The following PDZD9 variants were observed in gnomAD, a reference collection of about 807,000 sequenced individuals.
PDZD9 encodes the protein PDZ domain-containing protein 9.
In PDZD9, 13 loss-of-function variants were observed where a neutral mutation model predicts 16.3. That is an observed-to-expected ratio of 0.80 (90% CI 0.52 to 1.27). The LOEUF (loss-of-function observed/expected upper bound fraction) is 1.27. Ranked by LOEUF, PDZD9 falls within the 50% of genes most tolerant of loss-of-function variation. The pLI is 0.00. For synonymous variants in PDZD9, 120 were observed against 111.0 expected, an observed-to-expected ratio of 1.08 and a Z score of -0.51; for missense variants, 288 against 310.9, an observed-to-expected ratio of 0.93 and a Z score of 0.55.
downstream of PDZD9, among the ~76,000 whole-genome samples, chr16:21,981,023 T>C (rs778912228): frequency 2.6e-5 from 4 of 152,178 alleles, no homozygotes; most frequent in Non-Finnish European, 5.9e-5. Flanking sequence ...AAACTAATGG[T>C]AGTTTATAAA....
At chr16:21,981,125 C>G (rs567514407), downstream of PDZD9, among the ~76,000 whole-genome samples, 7 of 152,238 alleles carry the variant, frequency 4.6e-5, no homozygotes, top group South Asian at 1.2e-3. Flanking sequence ...TGCTATTTTT[C>G]CTCTTCAGTC....
chr16:21,972,163 G>A, the PDZD9 span: 2 of 1,574,612 alleles, frequency 1.3e-6, no homozygotes, highest in Admixed American at 1.9e-5. Flanking sequence ...TGCTTTCAAA[G>A]GCTCAGTATT....
At chr16:21,992,937 G>GTGAGTTCT (rs1899059009) in intron 2 of PDZD9, among the ~76,000 whole-genome samples, 1 of 152,144 alleles carries the variant, frequency 6.6e-6, no homozygotes, top group East Asian at 1.9e-4. Flanking sequence ...ATGATAGTGA[G>GTGAGTTCT]TGAGTTCTCA....
At chr16:21,988,062 C>T (rs1240217393) in intron 3 of PDZD9, among the ~76,000 whole-genome samples, 3 of 132,312 alleles carry the variant, frequency 2.3e-5, no homozygotes, top group Non-Finnish European at 3.1e-5. Context: ...GGCTGGAGTG[C>T]AGTGGTGCGA....
chr16:21,994,753 T>A (rs1899103817), intron 2 of PDZD9, among the ~76,000 whole-genome samples: 1 of 152,118 alleles, frequency 6.6e-6, no homozygotes, highest in South Asian at 2.1e-4. Flanking sequence ...AGTAACATGG[T>A]CCCTGAATCC....
intron 2 of PDZD9, among the ~76,000 whole-genome samples, chr16:21,994,228 C>T (rs1010010035): frequency 1.3e-5 from 2 of 152,084 alleles, no homozygotes; most frequent in South Asian, 2.1e-4. Flanking sequence ...ATCAAATCTG[C>T]GCAACCTCTG....
the PDZD9 span, chr16:21,961,333 T>C: frequency 2.2e-6 from 1 of 448,458 alleles, no homozygotes; most frequent in South Asian, 1.6e-5. Context: ...TTTAGGGAAA[T>C]GGGTAAAGTA....
the PDZD9 span, chr16:21,968,787 G>C: frequency 9.5e-7 from 1 of 1,047,768 alleles, no homozygotes; most frequent in East Asian, 2.8e-5. Flanking sequence ...TGAAAACTTC[G>C]GCCTTCTATT....
intron 1 of PDZD9, chr16:21,998,812 A>G (rs1899217630): frequency 6.5e-6 from 1 of 153,332 alleles, no homozygotes; most frequent in Non-Finnish European, 1.5e-5. Context: ...AGAGAGAGAA[A>G]AAAACCTTGA....
At chr16:21,958,259 A>C in the PDZD9 span, among the ~76,000 whole-genome samples, 1 of 152,222 alleles carries the variant, frequency 6.6e-6, no homozygotes, top group East Asian at 1.9e-4. Context: ...AAAGAAAATT[A>C]ACTCTTTTTT....
At chr16:21,977,273 G>T in the PDZD9 span, among the ~76,000 whole-genome samples, 3 of 152,082 alleles carry the variant, frequency 2.0e-5, no homozygotes, top group East Asian at 5.8e-4. Context: ...GGGATTGCTT[G>T]AGCCCACGAG....
At position 21,984,201 on chromosome 16, in the gene PDZD9, C is replaced by T. The variant is rs1898809068; in HGVS notation, c.*66G>A. 6.0e-6 allele frequency: 9 copies of T among 1,511,158 alleles called. No homozygotes were observed. Among genetic ancestry groups the T allele is most frequent in the Non-Finnish European group, 7.2e-6 (8 of 1,116,034 alleles). 93.6% of individuals were successfully genotyped at this position (1,511,158 alleles called of 1,614,324 possible). On this transcript the variant is annotated 3_prime_UTR_variant, in exon 4 of 4. Coordinates refer to ENST00000424898, the MANE Select transcript of PDZD9 (RefSeq NM_001363519.1). ...GACAGTCCTTGATAAGTACAGCAAA[C>T]TTGTGCCTGGTGAGGCACAAAACTT...
chr16:21,986,853 G>A (rs1898888065), intron 3 of PDZD9, among the ~76,000 whole-genome samples: 1 of 152,184 alleles, frequency 6.6e-6, no homozygotes. Context: ...CTTCAAGGGT[G>A]ACTACTGAAG....
the PDZD9 span, among the ~76,000 whole-genome samples, chr16:21,963,718 C>A: frequency 2.0e-5 from 3 of 152,124 alleles, no homozygotes; most frequent in Non-Finnish European, 4.4e-5. Context: ...ATCCTCCCAC[C>A]TCAGCTTCCC....
chr16:21,968,614 T>C, the PDZD9 span: 1 of 1,597,366 alleles, frequency 6.3e-7, no homozygotes, highest in Non-Finnish European at 8.5e-7. Context: ...AATAAGTGTT[T>C]TTAACTTCCT....
chr16:21,980,995 C>T (rs1457749973), downstream of PDZD9, among the ~76,000 whole-genome samples: 2 of 152,074 alleles, frequency 1.3e-5, no homozygotes, highest in Admixed American at 6.5e-5. Context: ...ATACACCTAA[C>T]GTATCAAACG....
At chr16:21,959,078 G>A in the PDZD9 span, among the ~76,000 whole-genome samples, 1 of 152,212 alleles carries the variant, frequency 6.6e-6, no homozygotes, top group Non-Finnish European at 1.5e-5. Flanking sequence ...GGAGGGTCTT[G>A]CCTCCACGTT....
the PDZD9 span, chr16:21,958,457 A>G: frequency 2.4e-6 from 3 of 1,265,164 alleles, no homozygotes; most frequent in Non-Finnish European, 3.4e-6. Flanking sequence ...TCTGCTCACA[A>G]CAGATTTTGA....
At chr16:21,997,343 T>C (rs1473813199) in intron 1 of PDZD9, among the ~76,000 whole-genome samples, 3 of 151,992 alleles carry the variant, frequency 2.0e-5, no homozygotes, top group African/African-American at 4.8e-5. Flanking sequence ...AAAGGACCAA[T>C]AGGAAATATT....
Sources: allele counts gnomAD v4.1 joint callset (sites outside exome capture counted in the v4.1 genomes callset), GRCh38; gene constraint gnomAD v4.1.1; transcripts MANE v1.5; gene names NCBI Gene and HGNC (gene_info 2026-07-23, HGNC 2026-07-21).